Variants in DHX32 observed in about 807,000 individuals in gnomAD.
DHX32 encodes the protein putative pre-mRNA-splicing factor ATP-dependent RNA helicase DHX32.
Under a neutral mutation model 70.0 loss-of-function variants are expected in DHX32, and 51 were observed. The ratio of observed to expected loss-of-function variants is 0.73; its 90% CI spans 0.58 to 0.92. The LOEUF is 0.92. Among genes scored for constraint, DHX32 ranks in the 40% least tolerant of loss-of-function variants. The pLI, the probability that DHX32 is intolerant of heterozygous loss-of-function variation, is 0.00. For missense variants in DHX32, 762 were observed against 891.8 expected (o/e 0.85, Z 1.85); for synonymous variants, 310 against 315.3 (o/e 0.98, Z 0.18).
chr10:125,840,595 G>GGCT (rs1367847546), intron 8 of DHX32, among the ~76,000 whole-genome samples: 1 of 152,232 alleles, frequency 6.6e-6, no homozygotes, highest in African/African-American at 2.4e-5. Flanking sequence ...TCTGAAGGCT[G>GGCT]GCTGAGTGGA....
upstream of DHX32, among the ~76,000 whole-genome samples, chr10:125,885,457 G>A (rs1359392606): frequency 6.6e-6 from 1 of 152,160 alleles, no homozygotes; most frequent in Non-Finnish European, 1.5e-5. Context: ...GCCACAGTCA[G>A]AGGAAAATAT....
intron 1 of DHX32, among the ~76,000 whole-genome samples, chr10:125,867,735 CAAA>C (rs1255031059): frequency 1.8e-5 from 1 of 56,480 alleles, no homozygotes; most frequent in Non-Finnish European, 4.1e-5. Flanking sequence ...GACTCCGTCT[CAAA>C]AAAAAAAAAA....
chr10:125,851,780 G>A (rs1944092127), intron 6 of DHX32, among the ~76,000 whole-genome samples: 1 of 152,044 alleles, frequency 6.6e-6, no homozygotes, highest in South Asian at 2.1e-4. Flanking sequence ...ACATTAATAA[G>A]TGTGGTGGCT....
rs142280620 is a variant in DHX32, at chr10:125,868,651, C to T, written c.283-1468G>A. ...TGAAAGATGAAATTTTAAGATACTG[C>T]GCTCAGGAAACGTGGAATCAAGGCA... On this transcript the variant is annotated intron_variant, in intron 1 of 10. Transcript: ENST00000284690. Among the ~76,000 whole-genome samples the T allele has an allele frequency of 3.8e-4, 58 of 152,234 alleles. 2 individuals are homozygous for T. The highest frequency in any genetic ancestry group is 1.3e-3 in the African/African-American group (54 of 41,542).
At chr10:125,860,907 C>T (rs1202480583) in intron 2 of DHX32, among the ~76,000 whole-genome samples, 2 of 151,860 alleles carry the variant, frequency 1.3e-5, no homozygotes, top group East Asian at 2.0e-4. Flanking sequence ...CGCCCGCCAC[C>T]ACGCCTGGCT....
chr10:125,850,724 T>C (rs184088494), intron 6 of DHX32, among the ~76,000 whole-genome samples: 1 of 152,352 alleles, frequency 6.6e-6, no homozygotes, highest in Non-Finnish European at 1.5e-5. Flanking sequence ...CCATGCCTGT[T>C]TGTGTTTGGG....
chr10:125,872,290 C>T (rs1944260606), intron 1 of DHX32, among the ~76,000 whole-genome samples: 1 of 152,134 alleles, frequency 6.6e-6, no homozygotes, highest in African/African-American at 2.4e-5. Flanking sequence ...AAGATATTCC[C>T]CCCTAGTATT....
intron 1 of DHX32, among the ~76,000 whole-genome samples, chr10:125,868,292 T>A (rs1346571437): frequency 6.6e-6 from 1 of 152,244 alleles, no homozygotes; most frequent in Non-Finnish European, 1.5e-5. Context: ...GTCAGTAAAT[T>A]ATGCATTGTT....
intron 4 of DHX32, chr10:125,853,600 T>G (rs1398304530): frequency 1.4e-5 from 3 of 216,794 alleles, no homozygotes; most frequent in African/African-American, 6.9e-5. Flanking sequence ...TCCAGTAAAT[T>G]GTTCATAAGA....
chr10:125,865,526 C>A (rs1466143000), intron 2 of DHX32, among the ~76,000 whole-genome samples: 1 of 152,020 alleles, frequency 6.6e-6, no homozygotes, highest in South Asian at 2.1e-4. Flanking sequence ...CCGAATGAGC[C>A]CCATGGGCTT....
rs1335188254 is a variant in DHX32 at position 125,838,359 on chromosome 10, T to C, written c.1910A>G (p.Asn637Ser). 1 of 1,597,986 alleles carries C rather than the reference T, an allele frequency of 6.3e-7. No homozygotes were observed. Among genetic ancestry groups the C allele is most frequent in the Non-Finnish European group, 8.5e-7 (1 of 1,175,734 alleles). Reference protein sequence around the residue: ...QIARDVDGSGNYLMLTHKQVA... With the variant: ...QIARDVDGSGSYLMLTHKQVA... ...CTGCTTATGTGTCAGCATTAAGTAG[T>C]TACCTGATCCATCAACATCCCGAGC... Residue 637 changes from asparagine to serine, a missense_variant, in exon 10 of 11, where the codon AAC becomes AGC. Transcript: ENST00000284690.
intron 6 of DHX32, among the ~76,000 whole-genome samples, chr10:125,844,490 C>T (rs189106124): frequency 6.6e-6 from 1 of 152,250 alleles, no homozygotes; most frequent in East Asian, 1.9e-4. Flanking sequence ...CCTGGTCCTA[C>T]AACAGAAAAG....
At chr10:125,883,568 G>A (rs907320582), upstream of DHX32, among the ~76,000 whole-genome samples, 2 of 152,038 alleles carry the variant, frequency 1.3e-5, no homozygotes, top group Non-Finnish European at 1.5e-5. Flanking sequence ...CAGCCCAGTC[G>A]AGCCTCCAGA....
chr10:125,866,844 T>C lies in DHX32; in HGVS notation c.476+146A>G. ...TGATGCCAGTGTGGGAAAGCAACTGTTGCTGGCTGGCTGATGACAGAGACC... is the reference window on the plus strand; with the variant it reads ...TGATGCCAGTGTGGGAAAGCAACTGCTGCTGGCTGGCTGATGACAGAGACC... On this transcript the variant is annotated intron_variant, in intron 2 of 10. Transcript: ENST00000284690. The surrounding 1 kb of genome is among the most constrained non-coding windows in gnomAD (Gnocchi z 4.8). 1 of 764,592 alleles carries C rather than the reference T, an allele frequency of 1.3e-6. No individual in the cohort carries two copies. The highest frequency in any genetic ancestry group is 2.0e-5 in the South Asian group (1 of 50,766). 47.4% of individuals were successfully genotyped at this position (764,592 alleles called of 1,614,324 possible).
chr10:125,855,821 G>A (rs974964070), intron 3 of DHX32, among the ~76,000 whole-genome samples: 1 of 152,130 alleles, frequency 6.6e-6, no homozygotes, highest in South Asian at 2.1e-4. Flanking sequence ...AATAATTATG[G>A]CCACTAATTC....
chr10:125,850,111 G>A (rs1388860559), intron 6 of DHX32, among the ~76,000 whole-genome samples: 8 of 149,666 alleles, frequency 5.3e-5, no homozygotes, highest in Admixed American at 2.0e-4. Flanking sequence ...TACTACAGGC[G>A]TATGCCACCA....
At chr10:125,847,861 C>T (rs1240371055) in intron 6 of DHX32, among the ~76,000 whole-genome samples, 4 of 152,004 alleles carry the variant, frequency 2.6e-5, no homozygotes, top group Non-Finnish European at 5.9e-5. Flanking sequence ...TAATAGGGTT[C>T]GAGCTCCTAC....
At chr10:125,896,454 TC>T, upstream of DHX32, 4 of 1,102,886 alleles carry the variant, frequency 3.6e-6, no homozygotes, top group Non-Finnish European at 4.6e-6. Flanking sequence ...TCGCTCAGTG[TC>T]CCCGGCGACG....
chr10:125,838,293 T>C lies in DHX32; in HGVS notation c.1976A>G (p.Lys659Arg). The change falls in exon 10 of 11, where the codon AAG (lysine) becomes AGG (arginine). Residue 659 changes from lysine to arginine, a missense_variant. Around this residue, in one of 3 missense-constraint regions of DHX32, gnomAD observed 366 missense variants for 402.6 expected, o/e 0.91. Transcript: ENST00000284690. ...GAAGAGGACCCACTCTGGCATCTTC[T>C]TGGTGATTGAGTAACCAGACAGGGG... ...LHPLSGYSIT[K>R]KMPEWVLFHK... The C allele has an allele frequency of 1.9e-6, 3 of 1,614,060 alleles. No individual in the cohort carries two copies. Among genetic ancestry groups the C allele is most frequent in the Non-Finnish European group, 2.5e-6 (3 of 1,180,000 alleles).
Sources: gnomAD v4.1 joint callset for allele counts (sites outside exome capture counted in the v4.1 genomes callset) on GRCh38, gnomAD v4.1.1 for gene constraint, gnomAD v4.1.1 regional missense constraint, Gnocchi (gnomAD v3.1) non-coding constraint, MANE v1.5 for transcripts, NCBI Gene and HGNC (gene_info 2026-07-23, HGNC 2026-07-21) for gene names.